The following RYR2 variants were observed in gnomAD, a reference collection of about 807,000 sequenced individuals.
RYR2 encodes the protein ryanodine receptor 2, also known as cardiac muscle ryanodine receptor-calcium release channel.
A neutral mutation model predicts 601.1 loss-of-function variants in RYR2; 227 were observed. The observed-to-expected ratio is 0.38, with a 90% CI of 0.34 to 0.42. The LOEUF (loss-of-function observed/expected upper bound fraction) is 0.42, where lower values mean the gene tolerates loss of function less well. RYR2 is among the 10% of genes least tolerant of loss of function. The pLI, the probability that RYR2 is intolerant of heterozygous loss-of-function variation, is 1.00. For missense variants in RYR2, 4,646 were observed against 6,156.5 expected, an observed-to-expected ratio of 0.75 and a Z score of 8.21; for synonymous variants, 2,223 against 2,175.1, an observed-to-expected ratio of 1.02 and a Z score of -0.61.
At chr1:237,315,152 T>G (rs1462742399) in intron 2 of RYR2, among the ~76,000 whole-genome samples, 1 of 152,180 alleles carries the variant, frequency 6.6e-6, no homozygotes, top group African/African-American at 2.4e-5. Context: ...GTGTTTTCTT[T>G]CTCCTCTTTG....
At chr1:237,086,116 G>C (rs1450560465) in intron 1 of RYR2, among the ~76,000 whole-genome samples, 1 of 152,240 alleles carries the variant, frequency 6.6e-6, no homozygotes, top group East Asian at 1.9e-4. Context: ...TGCCTGAGCT[G>C]TCATAACAAA....
chr1:237,631,347 C>T (rs12078268), intron 41 of RYR2, 80 bp from the exon 42 acceptor site: 2 of 852,468 alleles, frequency 2.3e-6, no homozygotes, highest in East Asian at 2.8e-5. Context: ...TAAATTATTT[C>T]TAAAAGATTT....
intron 1 of RYR2, among the ~76,000 whole-genome samples, chr1:237,209,541 G>C (rs182046389): frequency 1.3e-5 from 1 of 76,996 alleles, no homozygotes; most frequent in Non-Finnish European, 3.3e-5. Context: ...TGGGAAGTGT[G>C]AGTCCAAGTG....
intron 1 of RYR2, among the ~76,000 whole-genome samples, chr1:237,176,624 T>C (rs6667246): frequency 0.96 from 145,847 of 152,178 alleles, 70,049 homozygotes; most frequent in Non-Finnish European, 0.99. Context: ...TATAGCAATA[T>C]ATGAACTTTC....
intron 29 of RYR2, among the ~76,000 whole-genome samples, chr1:237,575,972 GTAAAT>G (rs144078721): frequency 0.03 from 4,492 of 152,216 alleles, 89 homozygotes; most frequent in African/African-American, 0.055. Flanking sequence ...GTTAAGAAAA[GTAAAT>G]TAAAGATACC....
chr1:237,374,913 G>T, intron 7 of RYR2, 118 bp downstream of exon 7: 2 of 764,674 alleles, frequency 2.6e-6, no homozygotes, highest in Middle Eastern at 3.7e-4. Context: ...AGTCAGGAAA[G>T]AATGTTCTAA....
chr1:237,778,644 C>A, intron 87 of RYR2, 22 bp from the exon 88 acceptor site: 2 of 1,296,758 alleles, frequency 1.5e-6, no homozygotes, highest in South Asian at 1.3e-5. Flanking sequence ...GAATAATTGC[C>A]GTTTGTCTGT....
At chr1:237,446,423 G>A (rs560032220) in intron 14 of RYR2, among the ~76,000 whole-genome samples, 1 of 151,884 alleles carries the variant, frequency 6.6e-6, no homozygotes, top group Non-Finnish European at 1.5e-5. Context: ...CTGTTAAGTT[G>A]TTCTGAGCTT....
At chr1:237,357,498 G>C (rs942870059) in intron 4 of RYR2, among the ~76,000 whole-genome samples, 1 of 152,120 alleles carries the variant, frequency 6.6e-6, no homozygotes, top group African/African-American at 2.4e-5. Context: ...AATAGCACTT[G>C]CCAGTAAATA....
At chr1:237,157,295 C>CAAAAAAAAAAAAAAAAAA (rs33922740) in intron 1 of RYR2, among the ~76,000 whole-genome samples, 2 of 63,510 alleles carry the variant, frequency 3.1e-5, no homozygotes, top group Non-Finnish European at 5.3e-5. Context: ...GACTCCATCT[C>CAAAAAAAAAAAAAAAAAA]AAAAAAAAAA....
intron 95 of RYR2, 125 bp from the exon 96 acceptor site, chr1:237,795,164 T>TGTAA: frequency 2.0e-6 from 1 of 495,644 alleles, no homozygotes; most frequent in Non-Finnish European, 3.6e-6. Context: ...CCAAATTCAT[T>TGTAA]GTAAGTTTAC....
chr1:237,348,845 G>C (rs984792150), intron 3 of RYR2, among the ~76,000 whole-genome samples: 1 of 152,040 alleles, frequency 6.6e-6, no homozygotes, highest in South Asian at 2.1e-4. Context: ...ATGGAAATTC[G>C]AACACTGAAA....
chr1:237,814,739 G>C (rs763881908), intron 100 of RYR2, among the ~76,000 whole-genome samples: 5 of 152,034 alleles, frequency 3.3e-5, no homozygotes, highest in Non-Finnish European at 7.4e-5. Flanking sequence ...CATATAGGAC[G>C]ATGTTCATCT....
chr1:237,771,711 T>C (rs765120261), intron 85 of RYR2, among the ~76,000 whole-genome samples: 5 of 152,254 alleles, frequency 3.3e-5, no homozygotes, highest in Non-Finnish European at 5.9e-5. Flanking sequence ...TCCTCAAGGA[T>C]AGCAACCTTT....
At chr1:237,479,399 A>T (rs1195633400) in intron 17 of RYR2, among the ~76,000 whole-genome samples, 1 of 152,018 alleles carries the variant, frequency 6.6e-6, no homozygotes, top group East Asian at 1.9e-4. Context: ...ATGCACCTTT[A>T]TTTGTTTTCT....
intron 10 of RYR2, among the ~76,000 whole-genome samples, chr1:237,409,526 A>T (rs1447108535): frequency 2.0e-5 from 3 of 152,136 alleles, no homozygotes; most frequent in Non-Finnish European, 4.4e-5. Context: ...TTGCTATCAT[A>T]CTTGTATTCA....
intron 84 of RYR2, among the ~76,000 whole-genome samples, chr1:237,762,401 A>G (rs1230685273): frequency 6.6e-6 from 1 of 152,212 alleles, no homozygotes. Flanking sequence ...TTTCAGCTAT[A>G]AAATTTCTAA....
At chr1:237,100,936 C>G (rs1668018836) in intron 1 of RYR2, among the ~76,000 whole-genome samples, 1 of 152,096 alleles carries the variant, frequency 6.6e-6, no homozygotes, top group Non-Finnish European at 1.5e-5. Flanking sequence ...CTGGTCCTCT[C>G]TGTCCTGCTT....
chr1:237,345,427 G>C (rs1476067888), intron 3 of RYR2, among the ~76,000 whole-genome samples: 1 of 150,504 alleles, frequency 6.6e-6, no homozygotes, highest in East Asian at 2.0e-4. Context: ...CTATATTCCA[G>C]CCTGGGTGAA....
Sources: gnomAD v4.1 joint callset for allele counts (sites outside exome capture counted in the v4.1 genomes callset) on GRCh38, gnomAD v4.1.1 for gene constraint, MANE v1.5 for transcripts, NCBI Gene and HGNC (gene_info 2026-07-23, HGNC 2026-07-21) for gene names.